The following TRAF7 variants were observed in gnomAD, a reference collection of about 807,000 sequenced individuals.
TRAF7 encodes E3 ubiquitin-protein ligase TRAF7.
A neutral mutation model predicts 89.3 loss-of-function variants in TRAF7; 45 were observed. The observed-to-expected ratio is 0.50, with a 90% CI of 0.40 to 0.65. The LOEUF is 0.65. Ranked by LOEUF, TRAF7 falls within the 30% of genes least tolerant of loss-of-function variation. The probability of loss-of-function intolerance (pLI) is 0.00; values close to 1 mark genes in which losing one functional copy is unlikely to be tolerated. For missense variants in TRAF7, 677 were observed against 918.1 expected (o/e 0.74, Z 3.39); for synonymous variants, 406 against 369.2 (o/e 1.10, Z -1.14).
intron 1 of TRAF7, among the ~76,000 whole-genome samples, chr16:2,157,908 G>A (rs955642062): frequency 2.6e-5 from 4 of 152,186 alleles, no homozygotes; most frequent in African/African-American, 9.7e-5. Context: ...CTCAGCAGAG[G>A]AGCTGCTGTC....
In TRAF7 at chr16:2,161,027, G is replaced by A. The variant is rs1379792788; in HGVS notation, c.-38-2856G>A. On this transcript the variant is annotated intron_variant, in intron 1 of 20. Coordinates refer to ENST00000326181, the MANE Select transcript of TRAF7 (RefSeq NM_032271.3). The surrounding 1 kb of genome is among the most constrained non-coding windows in gnomAD (Gnocchi z 5.2). ...CGGGCATCTTGCTCAATTCCGAGGT[G>A]CGGGGATGGATCCTGCCTTAGGGCG... Among the ~76,000 whole-genome samples, 1 of 152,090 alleles carries A rather than the reference G, an allele frequency of 6.6e-6. No homozygotes were observed. The highest frequency in any genetic ancestry group is 1.5e-5 in the Non-Finnish European group (1 of 67,982).
In TRAF7 at chr16:2,171,598, G is replaced by A. The variant is rs144871289; in HGVS notation, c.468G>A (p.Leu156=). 1.2e-6 allele frequency: 2 copies of A among 1,613,194 alleles called. No individual in the cohort carries two copies. The highest frequency in any genetic ancestry group is 1.7e-6 in the Non-Finnish European group (2 of 1,179,928). The change falls in exon 7 of 21, where the codon TTG becomes TTA. Residue 156 remains leucine (L), a synonymous_variant. Transcript: ENST00000326181. Reference sequence around the variant, plus strand: ...ACACGTTCTGTAGGAGATGCGCCTTGAAGTCAGGTAGGTTTGTGCCCCGGC... The same window carrying A: ...ACACGTTCTGTAGGAGATGCGCCTTAAAGTCAGGTAGGTTTGTGCCCCGGC... ...CGHTFCRRCA[L]KSEKCPVDNV...
At chr16:2,164,259 G>A (rs373386755) in intron 2 of TRAF7, among the ~76,000 whole-genome samples, 4 of 151,190 alleles carry the variant, frequency 2.6e-5, no homozygotes, top group Non-Finnish European at 4.4e-5. Context: ...TGAGTGCTGC[G>A]TGGCGCGGCC....
intron 3 of TRAF7, among the ~76,000 whole-genome samples, chr16:2,167,473 C>A (rs1408831855): frequency 2.0e-5 from 3 of 152,098 alleles, no homozygotes; most frequent in African/African-American, 7.2e-5. Flanking sequence ...GACGTGTGGG[C>A]AGGAGGAGGG....
Position 2,174,323 on chromosome 16 carries a change from T to C in TRAF7, c.1336T>C (p.Cys446Arg). 1 of 1,613,106 alleles carries C rather than the reference T, an allele frequency of 6.2e-7. No individual in the cohort carries two copies. Among genetic ancestry groups the C allele is most frequent in the South Asian group, 1.1e-5 (1 of 91,070 alleles). ...CCATGATGGCATCGTGCTGGCTCTC[T>C]GCATCCAGGGGTGAGTCCAGGCACA... ...EGHDGIVLAL[C>R]IQGCKLYSGS... Residue 446 changes from cysteine to arginine, a missense_variant, in exon 14 of 21, where the codon TGC (cysteine) becomes CGC (arginine). Around this residue, in one of 6 missense-constraint regions of TRAF7, gnomAD observed 160 missense variants for 263.7 expected, o/e 0.61. Coordinates refer to ENST00000326181, the MANE Select transcript of TRAF7 (RefSeq NM_032271.3).
Position 2,176,749 on chromosome 16 carries a change from G to A in TRAF7, c.*175G>A, listed in dbSNP as rs997731456. The A allele has an allele frequency of 3.3e-6, 3 of 921,818 alleles. No homozygotes were observed. The highest frequency in any genetic ancestry group is 3.3e-5 in the African/African-American group (2 of 61,144). The allele number at this position is 921,818 out of a possible 1,614,324, so 57.1% of individuals were successfully genotyped here. A position where few individuals can be genotyped will look rare whatever the true frequency, so the allele number is the denominator to read the frequency against. ...ATGCTCGGCGAGCCTCCCTCTACTC[G>A]GCACTGTCCTTGCTGCCCAGCCCCT... On this transcript the variant is annotated 3_prime_UTR_variant, in exon 21 of 21. Transcript: ENST00000326181.
At chr16:2,166,060 C>T (rs373364289) in intron 3 of TRAF7, 124 bp downstream of exon 3, 2 of 1,190,232 alleles carry the variant, frequency 1.7e-6, no homozygotes, top group Non-Finnish European at 2.4e-6. Context: ...TGGGCGCGGG[C>T]AGCCTCACAC....
intron 12 of TRAF7, 21 bp downstream of exon 12, chr16:2,173,857 G>GCGGGGGGGCCCCCCCCCC: frequency 1.2e-6 from 2 of 1,607,498 alleles, no homozygotes; most frequent in Non-Finnish European, 1.7e-6. Context: ...ACCCGCCGTG[G>GCGGGGGGGCCCCCCCCCC]CTCCCGCCCA....
intron 2 of TRAF7, 46 bp downstream of exon 2, chr16:2,164,047 G>A (rs1193087228): frequency 1.3e-6 from 2 of 1,537,904 alleles, no homozygotes; most frequent in South Asian, 1.2e-5. Flanking sequence ...AGGACCCCCA[G>A]CATGCCCCAG....
In TRAF7 at chr16:2,170,816, C is replaced by T. The variant is rs917023580; in HGVS notation, c.348+86C>T. The stretch of plus-strand genomic sequence containing the variant: ...GAGGCACCTTCCCCTCCGCCATGCC[C>T]GCCCAGCTCACAGGGAGAGGGCGGC... On this transcript the variant is annotated intron_variant, in intron 5 of 20. Coordinates refer to ENST00000326181, the MANE Select transcript of TRAF7 (RefSeq NM_032271.3). 8.6e-5 allele frequency: 111 copies of T among 1,291,154 alleles called. No homozygotes were observed. In the African/African-American group the frequency reaches 1.1e-3, roughly 13 times the overall value. The allele number at this position is 1,291,154 out of a possible 1,614,324, so 80.0% of individuals were successfully genotyped here.
chr16:2,175,818 C>T lies in TRAF7; in HGVS notation c.1627-16C>T. The T allele has an allele frequency of 2.5e-6, 4 of 1,611,714 alleles. No homozygotes were observed. Among genetic ancestry groups the T allele is most frequent in the Non-Finnish European group, 3.4e-6 (4 of 1,178,660 alleles). On this transcript the variant is annotated splice_polypyrimidine_tract_variant and intron_variant, in intron 17 of 20. Coordinates refer to ENST00000326181, the MANE Select transcript of TRAF7 (RefSeq NM_032271.3). ...AGCACCTGGCCTGGGACCAACTGGC[C>T]CACGATTACTCATAGATCTGGGACA...
Position 2,175,932 on chromosome 16 carries a change from C to T in TRAF7, c.1725C>T (p.Gly575=), listed in dbSNP as rs1385278739. The T allele has an allele frequency of 1.9e-6, 3 of 1,613,408 alleles. No individual in the cohort carries two copies. The highest frequency in any genetic ancestry group is 1.7e-6 in the Non-Finnish European group (2 of 1,179,986). Residue 575 remains glycine (G), a synonymous_variant, in exon 18 of 21, where the codon GGC becomes GGT. Transcript: ENST00000326181. ...TGACAAATCACCACATTGTCTGTGG[C>T]ACCTACGAGAACCTCATCCACGTAA... The part of the protein sequence containing the change: ...IAVTNHHIVC[G]TYENLIHVWD...
At position 2,176,559 on chromosome 16, in the gene TRAF7, G is replaced by A; in HGVS notation, c.1999-1G>A. On this transcript the variant is annotated splice_acceptor_variant, in intron 20 of 20. Transcript: ENST00000326181. LOFTEE classifies it high-confidence loss of function. ...CTGGTGAAGCAGCCCTTTCTCTGCA[G>A]GTTTGGACTTGCTAACAGGATCCAG... is the stretch of plus-strand genomic sequence containing the variant. 1 of 1,613,442 alleles carries A rather than the reference G, an allele frequency of 6.2e-7. No homozygotes were observed. Among genetic ancestry groups the A allele is most frequent in the Non-Finnish European group, 8.5e-7 (1 of 1,180,002 alleles).
intron 2 of TRAF7, among the ~76,000 whole-genome samples, chr16:2,164,345 C>A (rs543814267): frequency 5.5e-5 from 8 of 145,978 alleles, no homozygotes; most frequent in African/African-American, 1.8e-4. Context: ...TGCTGCGTGG[C>A]GCGGCCTGGT....
rs200949317 is a variant in TRAF7 at position 2,174,068 on chromosome 16, A to G, written c.1263+20A>G. ...ATCAAGGTGGGCAGGGTCCTACCTC[A>G]GTCTCTGCAGCCTGGCTGGGCTGGG... On this transcript the variant is annotated intron_variant, in intron 13 of 20. Coordinates refer to ENST00000326181, the MANE Select transcript of TRAF7 (RefSeq NM_032271.3). 10 of 1,611,694 alleles carry G rather than the reference A, an allele frequency of 6.2e-6. No individual in the cohort carries two copies. The East Asian group carries it at 2.2e-4, about 36-fold the overall frequency.
At position 2,177,200 on chromosome 16, in the gene TRAF7, G is replaced by A. The variant is rs770922152; in HGVS notation, c.*626G>A. 4.5e-5 allele frequency: 11 copies of A among 243,434 alleles called. No individual in the cohort carries two copies. The highest frequency in any genetic ancestry group is 8.1e-5 in the Non-Finnish European group (10 of 122,860). 15.1% of individuals were successfully genotyped at this position (243,434 alleles called of 1,614,324 possible). A position where few individuals can be genotyped will look rare whatever the true frequency, so the allele number is the denominator to read the frequency against. ...GCACCTCTGTTTCCTGCTGTTTATT[G>A]ACAGCCGACGGCAGCGCCTTGCCCA... On this transcript the variant is annotated 3_prime_UTR_variant, in exon 21 of 21. Coordinates refer to ENST00000326181, the MANE Select transcript of TRAF7 (RefSeq NM_032271.3).
chr16:2,165,802 C>T (rs2093083912), intron 2 of TRAF7, 77 bp from the exon 3 acceptor site: 1 of 1,562,344 alleles, frequency 6.4e-7, no homozygotes, highest in Admixed American at 1.7e-5. Context: ...GCGTGTTAGG[C>T]ATGTGAGTGG....
rs2141295608 is a variant in TRAF7, at chr16:2,175,635, A to C, written c.1626+13A>C. 1 of 1,609,520 alleles carries C rather than the reference A, an allele frequency of 6.2e-7. No individual in the cohort carries two copies. The highest frequency in any genetic ancestry group is 2.2e-5 in the East Asian group (1 of 44,792). On this transcript the variant is annotated intron_variant, in intron 17 of 20. Transcript: ENST00000326181. ...CCAGACAATCAAGGTGCGCTTGGGC[A>C]CACCTGGTGGCCACAGGGCCTTGCC...
intron 7 of TRAF7, 42 bp downstream of exon 7, chr16:2,171,647 C>T: frequency 6.2e-7 from 1 of 1,612,800 alleles, no homozygotes; most frequent in Admixed American, 1.7e-5. Context: ...CGACCGTGCC[C>T]ATGGCTGCCG....
Sources: gnomAD v4.1 joint callset for allele counts (sites outside exome capture counted in the v4.1 genomes callset) on GRCh38, gnomAD v4.1.1 for gene constraint, gnomAD v4.1.1 regional missense constraint, Gnocchi (gnomAD v3.1) non-coding constraint, MANE v1.5 for transcripts, NCBI Gene and HGNC (gene_info 2026-07-23, HGNC 2026-07-21) for gene names.